Variants in GLRA2 observed in about 807,000 individuals in gnomAD.
GLRA2 encodes glycine receptor alpha 2, also known as glycine receptor subunit alpha-2.
Under a neutral mutation model 31.6 loss-of-function variants are expected in GLRA2, and 11 were observed. The ratio of observed to expected loss-of-function variants is 0.35; its 90% CI spans 0.22 to 0.58. GLRA2 has a LOEUF of 0.58. Ranked by LOEUF, GLRA2 falls within the 20% of genes least tolerant of loss-of-function variation. GLRA2 has a pLI of 0.84. For missense variants in GLRA2, 212 were observed against 351.8 expected (o/e 0.60, Z 3.18); for synonymous variants, 132 against 134.0 (o/e 0.99, Z 0.10).
At chrX:14,571,200 T>G (rs971911702) in intron 2 of GLRA2, among the ~76,000 whole-genome samples, 9 of 112,124 alleles carry the variant, frequency 8.0e-5, no homozygotes, top group Non-Finnish European at 1.5e-4. Flanking sequence ...ATCATCACTT[T>G]GCTGATAAAT....
chrX:14,553,560 A>G (rs2089597521), intron 2 of GLRA2, among the ~76,000 whole-genome samples: 1 of 111,273 alleles, frequency 9.0e-6, no homozygotes, highest in African/African-American at 3.3e-5. Flanking sequence ...TGGTATTCCC[A>G]GGAGCTTACA....
intron 7 of GLRA2, among the ~76,000 whole-genome samples, chrX:14,637,479 A>G (rs1288977938): frequency 1.8e-5 from 2 of 112,236 alleles, no homozygotes; most frequent in East Asian, 2.8e-4. Context: ...ATAAATATTT[A>G]GCACTTCTGA....
At chrX:14,560,823 GAATAAT>G (rs1465900100) in intron 2 of GLRA2, among the ~76,000 whole-genome samples, 1 of 73,721 alleles carries the variant, frequency 1.4e-5, no homozygotes, top group East Asian at 4.0e-4. Context: ...AAAAAAAAAA[GAATAAT>G]AGTAACATTT....
chrX:14,451,433 C>T, the GLRA2 span, among the ~76,000 whole-genome samples: 13 of 109,976 alleles, frequency 1.2e-4, 1 homozygote, highest in East Asian at 3.7e-3. Context: ...GAGTTTGAGA[C>T]CAGCCTGGGC....
chrX:14,484,748 G>A, the GLRA2 span, among the ~76,000 whole-genome samples: 1 of 111,572 alleles, frequency 9.0e-6, no homozygotes, highest in East Asian at 2.8e-4. Context: ...TGTTGGTGAT[G>A]GGATCTGTCA....
intron 8 of GLRA2, among the ~76,000 whole-genome samples, chrX:14,712,728 A>G (rs1232716282): frequency 9.0e-6 from 1 of 110,822 alleles, no homozygotes; most frequent in Non-Finnish European, 1.9e-5. Context: ...GATGGGACTT[A>G]ACATGAAGTT....
intron 7 of GLRA2, among the ~76,000 whole-genome samples, chrX:14,617,623 G>A (rs2090468544): frequency 9.0e-6 from 1 of 111,419 alleles, no homozygotes; most frequent in South Asian, 3.8e-4. Context: ...CCACTACTAT[G>A]TGACTAAGAC....
chrX:14,488,783 C>T, the GLRA2 span, among the ~76,000 whole-genome samples: 3 of 112,448 alleles, frequency 2.7e-5, no homozygotes, highest in Admixed American at 9.4e-5. Context: ...ATAACAAGAA[C>T]CATCATAAAA....
At chrX:14,601,587 G>A (rs1475098830) in intron 4 of GLRA2, among the ~76,000 whole-genome samples, 1 of 111,680 alleles carries the variant, frequency 9.0e-6, no homozygotes, top group Non-Finnish European at 1.9e-5. Context: ...ATATAATGGT[G>A]TGCTTATTTC....
chrX:14,582,390 G>A (rs1018801701), intron 4 of GLRA2, among the ~76,000 whole-genome samples: 3 of 109,925 alleles, frequency 2.7e-5, no homozygotes, highest in African/African-American at 6.7e-5. Flanking sequence ...TACAGAGGAC[G>A]TGAACTCATC....
the GLRA2 span, among the ~76,000 whole-genome samples, chrX:14,457,704 G>A: frequency 9.0e-6 from 1 of 110,536 alleles, no homozygotes; most frequent in African/African-American, 3.3e-5. Flanking sequence ...TAATCCTTTG[G>A]GTATATGCCC....
intron 7 of GLRA2, among the ~76,000 whole-genome samples, chrX:14,684,124 G>A (rs2091248146): frequency 9.0e-6 from 1 of 111,394 alleles, no homozygotes; most frequent in Non-Finnish European, 1.9e-5. Flanking sequence ...TCAGATGGTT[G>A]TAGATGTGTG....
chrX:14,551,510 A>T (rs924077132), intron 2 of GLRA2, among the ~76,000 whole-genome samples: 1 of 111,295 alleles, frequency 9.0e-6, no homozygotes, highest in Non-Finnish European at 1.9e-5. Context: ...GTTGGTGGCT[A>T]AGGAAAACAG....
chrX:14,587,822 G>A (rs1361066225), intron 4 of GLRA2, among the ~76,000 whole-genome samples: 1 of 110,654 alleles, frequency 9.0e-6, no homozygotes, highest in Non-Finnish European at 1.9e-5. Context: ...TTTTGTTTTT[G>A]TTATAATTGC....
intron 7 of GLRA2, among the ~76,000 whole-genome samples, chrX:14,662,627 C>T (rs905479117): frequency 9.0e-6 from 1 of 111,402 alleles, no homozygotes; most frequent in Non-Finnish European, 1.9e-5. Flanking sequence ...TACATGAATG[C>T]TATATATGAT....
chrX:14,518,536 T>C, the GLRA2 span, among the ~76,000 whole-genome samples: 9 of 111,956 alleles, frequency 8.0e-5, no homozygotes, highest in East Asian at 5.7e-4. Context: ...AAATACAGCA[T>C]GAAAAGGAAT....
chrX:14,494,959 C>A, the GLRA2 span, among the ~76,000 whole-genome samples: 4 of 112,015 alleles, frequency 3.6e-5, no homozygotes, highest in African/African-American at 1.3e-4. Context: ...TGCCTCCTTT[C>A]ATCCTCCAAG....
intron 7 of GLRA2, among the ~76,000 whole-genome samples, chrX:14,654,581 G>A (rs1318292401): frequency 2.7e-5 from 3 of 111,695 alleles, no homozygotes. Flanking sequence ...ATGTGGGCAT[G>A]TTTTCTATCA....
At chrX:14,554,082 A>G (rs1256840445) in intron 2 of GLRA2, among the ~76,000 whole-genome samples, 3 of 112,214 alleles carry the variant, frequency 2.7e-5, no homozygotes, top group Non-Finnish European at 5.6e-5. Flanking sequence ...AAAGATGCAT[A>G]GTGTAGCATG....
Sources: allele counts gnomAD v4.1 joint callset (sites outside exome capture counted in the v4.1 genomes callset), GRCh38; gene constraint gnomAD v4.1.1; transcripts MANE v1.5; gene names NCBI Gene and HGNC (gene_info 2026-07-23, HGNC 2026-07-21).